Variants in PACS1 observed in about 807,000 individuals in gnomAD.
PACS1 encodes the protein phosphofurin acidic cluster sorting protein 1.
Under a neutral mutation model 115.0 loss-of-function variants are expected in PACS1, and 24 were observed. The observed-to-expected ratio is 0.21, with a 90% CI of 0.15 to 0.29. The LOEUF is 0.29. PACS1 is among the 10% of genes least tolerant of loss of function. PACS1 has a pLI of 1.00. For missense variants in PACS1, 838 were observed against 1,251.2 expected, an observed-to-expected ratio of 0.67 and a Z score of 4.98; for synonymous variants, 453 against 504.5, an observed-to-expected ratio of 0.90 and a Z score of 1.37.
At chr11:66,126,886 C>A (rs998502452) in intron 1 of PACS1, among the ~76,000 whole-genome samples, 7 of 151,948 alleles carry the variant, frequency 4.6e-5, no homozygotes, top group African/African-American at 1.7e-4. Flanking sequence ...GCAGCAAGGG[C>A]CTCGTCGCTA....
intron 1 of PACS1, among the ~76,000 whole-genome samples, chr11:66,192,498 T>A (rs1156547890): frequency 1.3e-5 from 2 of 152,028 alleles, no homozygotes; most frequent in Admixed American, 1.3e-4. Context: ...CAAAGGAAAG[T>A]TAGTGTGGCT....
intron 1 of PACS1, among the ~76,000 whole-genome samples, chr11:66,092,781 T>C (rs1445751440): frequency 6.6e-6 from 1 of 152,088 alleles, no homozygotes; most frequent in Non-Finnish European, 1.5e-5. Flanking sequence ...AAATAGAGAA[T>C]CCTTTCCCCA....
At chr11:66,165,487 G>T (rs574840878) in intron 1 of PACS1, among the ~76,000 whole-genome samples, 7 of 152,060 alleles carry the variant, frequency 4.6e-5, no homozygotes, top group Non-Finnish European at 7.4e-5. Context: ...TGATCTTTCC[G>T]TTGAGATCAA....
intron 21 of PACS1, 149 bp from the exon 22 acceptor site, chr11:66,241,278 A>C (rs1855808919): frequency 1.7e-6 from 1 of 584,448 alleles, no homozygotes; most frequent in South Asian, 2.4e-5. Flanking sequence ...CCTCTCCTAC[A>C]TGAGCTGCTC....
At chr11:66,201,924 G>A (rs1353341174) in intron 2 of PACS1, among the ~76,000 whole-genome samples, 3 of 151,994 alleles carry the variant, frequency 2.0e-5, no homozygotes, top group African/African-American at 7.2e-5. Flanking sequence ...CTTCGGTGCT[G>A]GGATTACAGG....
chr11:66,171,590 C>CT lies in PACS1; in HGVS notation c.357-21889dup, dbSNP rs1337391247. Among the ~76,000 whole-genome samples the CT allele has an allele frequency of 2.0e-5, 3 of 148,590 alleles. No homozygotes were observed. In the East Asian group the frequency reaches 5.8e-4, roughly 29 times the overall value. The stretch of plus-strand genomic sequence containing the variant: ...TTCCATTTTTCTTTTCTTTTCTTTT[C>CT]TTTTTTTGAAACGGAGTCTCGCTCT... On this transcript the variant is annotated intron_variant, in intron 1 of 23. Coordinates refer to ENST00000320580, the MANE Select transcript of PACS1 (RefSeq NM_018026.4).
intron 1 of PACS1, among the ~76,000 whole-genome samples, chr11:66,139,479 C>G (rs1365906163): frequency 1.3e-5 from 2 of 151,832 alleles, no homozygotes. Flanking sequence ...ACTTCCCTCC[C>G]ATCCACCCCC....
At chr11:66,180,250 A>G (rs577805051) in intron 1 of PACS1, among the ~76,000 whole-genome samples, 4 of 152,306 alleles carry the variant, frequency 2.6e-5, no homozygotes, top group Non-Finnish European at 4.4e-5. Context: ...AAAAAACAAG[A>G]TATTAATGCT....
At position 66,220,802 on chromosome 11, in the gene PACS1, C is replaced by G. The variant is rs774678272; in HGVS notation, c.1199+11C>G. 3.1e-6 allele frequency: 5 copies of G among 1,612,422 alleles called. No individual in the cohort carries two copies. The highest frequency in any genetic ancestry group is 1.7e-5 in the Admixed American group (1 of 59,814). ...AAAGCCCAAGCTCAAGTGAGCCCCC[C>G]TCTCTGTAGCTGGCCTCCAGACTCT... On this transcript the variant is annotated intron_variant, in intron 9 of 23. Coordinates refer to ENST00000320580, the MANE Select transcript of PACS1 (RefSeq NM_018026.4).
intron 2 of PACS1, among the ~76,000 whole-genome samples, chr11:66,208,682 A>G (rs1040685225): frequency 3.0e-4 from 35 of 118,018 alleles, no homozygotes; most frequent in African/African-American, 1.2e-3. Context: ...AAGAAGAAGA[A>G]AAAGAAAGAA....
intron 10 of PACS1, among the ~76,000 whole-genome samples, chr11:66,223,508 A>G (rs2134723682): frequency 6.6e-6 from 1 of 151,928 alleles, no homozygotes; most frequent in South Asian, 2.1e-4. Flanking sequence ...TTGGAGATGC[A>G]TTTCCTCACA....
At chr11:66,210,730 C>G (rs1401203643) in intron 3 of PACS1, among the ~76,000 whole-genome samples, 1 of 152,238 alleles carries the variant, frequency 6.6e-6, no homozygotes, top group East Asian at 1.9e-4. Flanking sequence ...CATCACATCT[C>G]CTTAGTGATC....
At chr11:66,165,288 A>G (rs550021527) in intron 1 of PACS1, among the ~76,000 whole-genome samples, 23 of 152,174 alleles carry the variant, frequency 1.5e-4, no homozygotes, top group South Asian at 4.1e-4. Context: ...TTCCTCCCTC[A>G]TCGGCAGCTC....
intron 12 of PACS1, 23 bp downstream of exon 12, chr11:66,230,686 A>G (rs1855572553): frequency 1.2e-6 from 2 of 1,610,456 alleles, no homozygotes; most frequent in Non-Finnish European, 1.7e-6. Flanking sequence ...GAAAGGAAGC[A>G]GGGGGTACAG....
intron 2 of PACS1, among the ~76,000 whole-genome samples, chr11:66,204,168 C>T (rs1854880407): frequency 6.6e-6 from 1 of 152,080 alleles, no homozygotes; most frequent in South Asian, 2.1e-4. Flanking sequence ...AATAACCAGA[C>T]TATATAAGGA....
chr11:66,153,302 T>C (rs747494145), intron 1 of PACS1, among the ~76,000 whole-genome samples: 1 of 152,062 alleles, frequency 6.6e-6, no homozygotes, highest in Non-Finnish European at 1.5e-5. Flanking sequence ...GCTGGTGACA[T>C]AAGAAACAAG....
intron 1 of PACS1, among the ~76,000 whole-genome samples, chr11:66,123,215 G>C (rs1251157197): frequency 6.9e-6 from 1 of 145,538 alleles, no homozygotes; most frequent in African/African-American, 2.5e-5. Context: ...TTAATGAGAC[G>C]GAGTCTTGCT....
chr11:66,129,666 T>G (rs903004586), intron 1 of PACS1, among the ~76,000 whole-genome samples: 6 of 151,940 alleles, frequency 3.9e-5, no homozygotes, highest in African/African-American at 7.3e-5. Flanking sequence ...GTCAGAAGTG[T>G]GAGGCACCCA....
chr11:66,160,903 T>C (rs1859473712), intron 1 of PACS1, among the ~76,000 whole-genome samples: 2 of 152,098 alleles, frequency 1.3e-5, no homozygotes, highest in African/African-American at 4.8e-5. Flanking sequence ...TCAGAGGCAG[T>C]CTTGCTTGCA....
Sources: gnomAD v4.1 joint callset for allele counts (sites outside exome capture counted in the v4.1 genomes callset) on GRCh38, gnomAD v4.1.1 for gene constraint, MANE v1.5 for transcripts, NCBI Gene and HGNC (gene_info 2026-07-23, HGNC 2026-07-21) for gene names.